The following TP63 variants were observed in gnomAD, a reference collection of about 807,000 sequenced individuals.
TP63 encodes tumor protein 63.
A neutral mutation model predicts 82.8 loss-of-function variants in TP63; 17 were observed. The observed-to-expected ratio is 0.21, with a 90% CI of 0.14 to 0.31. The LOEUF is 0.31. TP63 is among the 10% of genes least tolerant of loss of function. The probability of loss-of-function intolerance (pLI) is 1.00; values close to 1 mark genes in which losing one functional copy is unlikely to be tolerated. For synonymous variants in TP63, 330 were observed against 321.7 expected (o/e 1.03, Z -0.28); for missense variants, 648 against 895.3 (o/e 0.72, Z 3.52).
In TP63 at chr3:189,873,048, T is replaced by G. The variant is rs757960600; in HGVS notation, c.1349+53T>G. 4 of 1,613,112 alleles carry G rather than the reference T, an allele frequency of 2.5e-6. No individual in the cohort carries two copies. The East Asian group carries it at 6.7e-5, about 27-fold the overall frequency. Reference sequence around the variant, plus strand: ...AGGCATGAGTGAGGGTGACTTTATTTGGATCAGCAATAGGGTGATTGATGA... The same window carrying G: ...AGGCATGAGTGAGGGTGACTTTATTGGGATCAGCAATAGGGTGATTGATGA... On this transcript the variant is annotated intron_variant, in intron 10 of 13. Coordinates refer to ENST00000264731, the MANE Select transcript of TP63 (RefSeq NM_003722.5).
In TP63 at chr3:189,695,764, A is replaced by G. The variant is rs576803661; in HGVS notation, c.63-41976A>G. ...CCTCGCTCTCATACACGCATCATCC[A>G]TTTACTTAATTGTTTTATCACAGTG... On this transcript the variant is annotated intron_variant, in intron 1 of 13. Coordinates refer to ENST00000264731, the MANE Select transcript of TP63 (RefSeq NM_003722.5). Among the ~76,000 whole-genome samples the G allele has an allele frequency of 1.6e-3, 241 of 152,286 alleles. 2 individuals carry two copies. The highest frequency in any genetic ancestry group is 2.7e-3 in the Non-Finnish European group (184 of 68,014).
intron 1 of TP63, among the ~76,000 whole-genome samples, chr3:189,650,873 G>T (rs1712829065): frequency 6.8e-6 from 1 of 146,946 alleles, no homozygotes; most frequent in Admixed American, 6.7e-5. Flanking sequence ...ACAGGAAAAT[G>T]GGAGAAAGTT....
chr3:189,838,455 G>A (rs1360143068), intron 4 of TP63, among the ~76,000 whole-genome samples: 3 of 152,162 alleles, frequency 2.0e-5, no homozygotes, highest in South Asian at 2.1e-4. Context: ...CAGAAAAAGC[G>A]AACAAGATGA....
intron 3 of TP63, among the ~76,000 whole-genome samples, chr3:189,779,467 A>G (rs1560177646): frequency 1.3e-5 from 2 of 152,162 alleles, no homozygotes; most frequent in African/African-American, 2.4e-5. Flanking sequence ...GAAGACCAAC[A>G]TGTAGGGAAA....
intron 4 of TP63, among the ~76,000 whole-genome samples, chr3:189,840,747 A>G (rs1713964013): frequency 6.6e-6 from 1 of 150,970 alleles, no homozygotes; most frequent in African/African-American, 2.4e-5. Context: ...AATCCCAGCT[A>G]CTCGGGAGCC....
intron 1 of TP63, among the ~76,000 whole-genome samples, chr3:189,698,483 G>A (rs1230510859): frequency 1.3e-5 from 2 of 152,052 alleles, no homozygotes; most frequent in South Asian, 2.1e-4. Flanking sequence ...CTCGAAGGGG[G>A]AATAGAGAAT....
chr3:189,691,818 A>G (rs1716955748), intron 1 of TP63, among the ~76,000 whole-genome samples: 1 of 152,072 alleles, frequency 6.6e-6, no homozygotes. Context: ...GTTGTTATTT[A>G]CTATAGAAAT....
rs560927097 is a variant in TP63, at chr3:189,855,454, C to T, written c.580-8778C>T. On this transcript the variant is annotated intron_variant, in intron 4 of 13. Coordinates refer to ENST00000264731, the MANE Select transcript of TP63 (RefSeq NM_003722.5). ...TCTGTTTTAAGAGATCTATCTAAAG[C>T]CAATTTATATACTAAACTGTGCTAT... is the stretch of plus-strand genomic sequence containing the variant. 2.7e-3 allele frequency among the ~76,000 whole-genome samples: 406 copies of T among 152,098 alleles called. 1 individual carries two copies. The highest frequency in any genetic ancestry group is 8.8e-3 in the African/African-American group (365 of 41,514).
chr3:189,621,025 C>A, the TP63 span, among the ~76,000 whole-genome samples: 128 of 152,260 alleles, frequency 8.4e-4, no homozygotes, highest in African/African-American at 3.0e-3. Flanking sequence ...TAGGGTAGAA[C>A]CATCTAAGAC....
At chr3:189,819,218 C>G (rs1197413706) in intron 4 of TP63, among the ~76,000 whole-genome samples, 1 of 152,128 alleles carries the variant, frequency 6.6e-6, no homozygotes, top group Non-Finnish European at 1.5e-5. Context: ...ATAGTAACCT[C>G]TTTCTGCTTT....
rs188867080 is a variant in TP63, at chr3:189,798,644, T to G, written c.325-9628T>G. Among the ~76,000 whole-genome samples the G allele has an allele frequency of 2.7e-3, 414 of 152,238 alleles. 3 individuals carry two copies. The highest frequency in any genetic ancestry group is 6.3e-3 in the Admixed American group (97 of 15,276). On this transcript the variant is annotated intron_variant, in intron 3 of 13. Transcript: ENST00000264731. ...AGAGATGGGGGAAGTTTGATCTGGG[T>G]GAATAAGCTTGATGATTTGCAAACG...
intron 1 of TP63, among the ~76,000 whole-genome samples, chr3:189,682,721 CT>C (rs1162516975): frequency 6.6e-6 from 1 of 151,842 alleles, no homozygotes; most frequent in African/African-American, 2.4e-5. Context: ...AACATTTCTA[CT>C]CAAAAGTAAT....
intron 1 of TP63, among the ~76,000 whole-genome samples, chr3:189,660,804 G>A (rs1353341770): frequency 1.3e-5 from 2 of 150,084 alleles, no homozygotes; most frequent in South Asian, 2.1e-4. Context: ...GTAGTCCTAG[G>A]TATTTTTGTG....
At chr3:189,827,444 T>C (rs1711590662) in intron 4 of TP63, among the ~76,000 whole-genome samples, 1 of 152,048 alleles carries the variant, frequency 6.6e-6, no homozygotes, top group African/African-American at 2.4e-5. Flanking sequence ...CTGGCACATA[T>C]AATGGGTCTT....
intron 3 of TP63, among the ~76,000 whole-genome samples, chr3:189,771,421 T>G (rs1289352858): frequency 7.1e-6 from 1 of 139,924 alleles, no homozygotes; most frequent in Non-Finnish European, 1.5e-5. Context: ...AAATATATAA[T>G]TATATATAAA....
At chr3:189,877,123 A>G (rs1478164691) in intron 10 of TP63, among the ~76,000 whole-genome samples, 1 of 152,202 alleles carries the variant, frequency 6.6e-6, no homozygotes, top group African/African-American at 2.4e-5. Flanking sequence ...CATAGGCTTT[A>G]TCGAAGATAG....
intron 1 of TP63, among the ~76,000 whole-genome samples, chr3:189,689,007 T>C (rs1037198049): frequency 1.3e-5 from 2 of 151,090 alleles, no homozygotes; most frequent in African/African-American, 4.9e-5. Flanking sequence ...CAGTGACAGA[T>C]GGGATTTTGG....
chr3:189,682,556 ATATATATATATATATATATATAT>A (rs1716064401), intron 1 of TP63, among the ~76,000 whole-genome samples: 5 of 3,612 alleles, frequency 1.4e-3, no homozygotes, highest in South Asian at 0.014. Context: ...AAAAAAAAAT[ATATATATATATATATATATATAT>A]ATATATATAT....
In TP63 at chr3:189,863,762, A is replaced by T. The variant is rs188406130; in HGVS notation, c.580-470A>T. On this transcript the variant is annotated intron_variant, in intron 4 of 13. Transcript: ENST00000264731. ...ATTCCATCTTAAAAAAAATCCCATGAACCCTAATTCCTGTGAGTGTCTCTA... is the reference window on the plus strand; with the variant it reads ...ATTCCATCTTAAAAAAAATCCCATGTACCCTAATTCCTGTGAGTGTCTCTA... 3.3e-4 allele frequency among the ~76,000 whole-genome samples: 50 copies of T among 152,294 alleles called. 1 individual carries two copies. The highest frequency in any genetic ancestry group is 1.1e-3 in the African/African-American group (46 of 41,548).
Sources: allele counts gnomAD v4.1 joint callset (sites outside exome capture counted in the v4.1 genomes callset), GRCh38; gene constraint gnomAD v4.1.1; transcripts MANE v1.5; gene names NCBI Gene and HGNC (gene_info 2026-07-23, HGNC 2026-07-21).